The following SNX32 variants were observed in gnomAD, a reference collection of about 807,000 sequenced individuals.
SNX32 encodes sorting nexin 32.
In SNX32, 58 loss-of-function variants were observed where a neutral mutation model predicts 57.0. The ratio of observed to expected loss-of-function variants is 1.02; its 90% confidence interval spans 0.82 to 1.27. SNX32 has a LOEUF of 1.27. Ranked by LOEUF, SNX32 falls within the 50% of genes most tolerant of loss-of-function variation. The pLI is 0.00. For missense variants in SNX32, 589 were observed against 541.2 expected (o/e 1.09, Z -0.88); for synonymous variants, 262 against 220.4 (o/e 1.19, Z -1.67).
At chr11:65,848,280 T>G (rs1409226467) in intron 1 of SNX32, among the ~76,000 whole-genome samples, 3 of 152,138 alleles carry the variant, frequency 2.0e-5, no homozygotes, top group Non-Finnish European at 4.4e-5. Context: ...CTTGGCACTA[T>G]GGTGTGGACA....
intron 12 of SNX32, 85 bp from the exon 13 acceptor site, chr11:65,853,197 G>A (rs756113276): frequency 1.8e-5 from 29 of 1,574,092 alleles, no homozygotes; most frequent in African/African-American, 4.0e-5. Context: ...GGGGTGTGGG[G>A]AGCGAGGGAG....
intron 1 of SNX32, among the ~76,000 whole-genome samples, chr11:65,834,981 C>T (rs568524195): frequency 2.8e-5 from 4 of 142,990 alleles, no homozygotes; most frequent in African/African-American, 1.0e-4. Context: ...CTGTGTATGT[C>T]GTTGTGTGTG....
chr11:65,849,567 C>A lies in SNX32; in HGVS notation c.126C>A (p.Phe42Leu). The A allele has an allele frequency of 6.2e-7, 1 of 1,614,142 alleles. No homozygotes were observed. Among genetic ancestry groups the A allele is most frequent in the South Asian group, 1.1e-5 (1 of 91,080 alleles). Residue 42 changes from phenylalanine (F) to leucine (L), a missense_variant, in exon 2 of 13, where the codon TTC (phenylalanine) becomes TTA (leucine). Coordinates refer to ENST00000308342, the MANE Select transcript of SNX32 (RefSeq NM_152760.3). ...TGAGTGAGCGGGACAAGGTGAAATT[C>A]ACTGTTCAAACAAAGGTGAGGCAGT... ...DAVSERDKVK[F>L]TVQTKSCLPH...
At position 65,853,512 on chromosome 11, in the gene SNX32, G is replaced by C. The variant is rs536851516; in HGVS notation, c.*177G>C. 1.5e-6 allele frequency: 1 copy of C among 647,816 alleles called. No homozygotes were observed. Among genetic ancestry groups the C allele is most frequent in the Non-Finnish European group, 2.7e-6 (1 of 368,638 alleles). The allele number at this position is 647,816 out of a possible 1,614,324, so 40.1% of individuals were successfully genotyped here. ...CCTATCACCACCACCACAGGTGCCA[G>C]GCCCTGCAAGACACAGGGCAGCATG... On this transcript the variant is annotated 3_prime_UTR_variant, in exon 13 of 13. Transcript: ENST00000308342.
intron 1 of SNX32, among the ~76,000 whole-genome samples, chr11:65,846,030 G>A (rs1198040244): frequency 1.3e-5 from 2 of 152,194 alleles, no homozygotes; most frequent in East Asian, 1.9e-4. Context: ...CCAGTTCTAT[G>A]GGAGGCCAAG....
In SNX32 at chr11:65,853,281, G is replaced by A. The variant is rs1402675402; in HGVS notation, c.1159-1G>A. On this transcript the variant is annotated splice_acceptor_variant, in intron 12 of 12. Coordinates refer to ENST00000308342, the MANE Select transcript of SNX32 (RefSeq NM_152760.3). LOFTEE classifies it high-confidence loss of function. ...TTCAAGGACCTGTTTCTCCTCTGCA[G>A]GCCAGCACCCTGATTCTCCGGAACA... 2 of 1,613,970 alleles carry A rather than the reference G, an allele frequency of 1.2e-6. No individual in the cohort carries two copies. The highest frequency in any genetic ancestry group is 1.7e-5 in the Admixed American group (1 of 59,994).
At chr11:65,846,785 A>G (rs1859009929) in intron 1 of SNX32, among the ~76,000 whole-genome samples, 1 of 151,316 alleles carries the variant, frequency 6.6e-6, no homozygotes, top group African/African-American at 2.4e-5. Context: ...GGAGTTCAAG[A>G]CCAGCCTGAC....
chr11:65,836,509 A>ACT (rs1858672549), intron 1 of SNX32, among the ~76,000 whole-genome samples: 1 of 152,128 alleles, frequency 6.6e-6, no homozygotes, highest in Non-Finnish European at 1.5e-5. Context: ...GCACCATTGA[A>ACT]CTCTAGCCTG....
intron 1 of SNX32, among the ~76,000 whole-genome samples, chr11:65,843,661 A>G (rs1218761161): frequency 6.6e-6 from 1 of 152,242 alleles, no homozygotes; most frequent in Non-Finnish European, 1.5e-5. Flanking sequence ...GAATATCTTC[A>G]TGACCTTGGG....
At position 65,853,320 on chromosome 11, in the gene SNX32, A is replaced by C; in HGVS notation, c.1197A>C (p.Leu399=). Residue 399 remains leucine (L), a synonymous_variant, in exon 13 of 13, where the codon CTA becomes CTC. Coordinates refer to ENST00000308342, the MANE Select transcript of SNX32 (RefSeq NM_152760.3). ...TLILRNTLVA[L]KGEP ...TTCTCCGGAACACCCTTGTTGCCCT[A>C]AAGGGGGAGCCTTAGAGTAGCCAGA... 6.2e-7 allele frequency: 1 copy of C among 1,614,092 alleles called. No individual in the cohort carries two copies.
rs894768606 is a variant in SNX32, at chr11:65,853,178, C to T, written c.1159-104C>T. The T allele has an allele frequency of 5.3e-6, 8 of 1,508,050 alleles. No individual in the cohort carries two copies. In the Admixed American group the frequency reaches 1.4e-4, roughly 25 times the overall value. 93.4% of individuals were successfully genotyped at this position (1,508,050 alleles called of 1,614,324 possible). A position where few individuals can be genotyped will look rare whatever the true frequency, so the allele number is the denominator to read the frequency against. ...GCCCAATTAACAGCAGCTGTTATTG[C>T]AGAGAGCAGGGGTGTGGGGAGCGAG... On this transcript the variant is annotated intron_variant, in intron 12 of 12. Transcript: ENST00000308342.
At chr11:65,844,059 C>T (rs928604464) in intron 1 of SNX32, among the ~76,000 whole-genome samples, 1 of 152,162 alleles carries the variant, frequency 6.6e-6, no homozygotes, top group African/African-American at 2.4e-5. Context: ...AAAAGACTAA[C>T]AATTCTGAGC....
chr11:65,852,861 C>T lies in SNX32; in HGVS notation c.1073-12C>T. Reference sequence around the variant, plus strand: ...CTGCCCGGATCCCCATGCCTCTTCCCCTCCTCTCCAGAGCTCATGGACTTC... The same window carrying T: ...CTGCCCGGATCCCCATGCCTCTTCCTCTCCTCTCCAGAGCTCATGGACTTC... On this transcript the variant is annotated splice_polypyrimidine_tract_variant and intron_variant, in intron 11 of 12. Coordinates refer to ENST00000308342, the MANE Select transcript of SNX32 (RefSeq NM_152760.3). 2 of 1,614,090 alleles carry T rather than the reference C, an allele frequency of 1.2e-6. No individual in the cohort carries two copies. Among genetic ancestry groups the T allele is most frequent in the Middle Eastern group, 1.6e-4 (1 of 6,062 alleles).
intron 12 of SNX32, 111 bp from the exon 13 acceptor site, chr11:65,853,171 G>A: frequency 1.3e-6 from 2 of 1,487,056 alleles, no homozygotes; most frequent in Non-Finnish European, 1.9e-6. Context: ...AACAGCAGCT[G>A]TTATTGCAGA....
rs780855828 is a variant in SNX32 at position 65,849,750 on chromosome 11, CG to C, written c.141+169del. The C allele has an allele frequency of 2.6e-5, 20 of 769,778 alleles. No individual in the cohort carries two copies. The African/African-American group carries it at 3.3e-4, about 13-fold the overall frequency. 47.7% of individuals were successfully genotyped at this position (769,778 alleles called of 1,614,324 possible). ...AGCCTCTTAGCTCTGCCTAAGGCCCCGAGTCCTAATCATTCCTGTCCACCAT... is the reference window on the plus strand; with the variant it reads ...AGCCTCTTAGCTCTGCCTAAGGCCCCAGTCCTAATCATTCCTGTCCACCAT... On this transcript the variant is annotated intron_variant, in intron 2 of 12. Coordinates refer to ENST00000308342, the MANE Select transcript of SNX32 (RefSeq NM_152760.3).
rs1050384864 is a variant in SNX32, at chr11:65,850,519, CACA to C, written c.466_468del (p.Asn156del). ...GGCCCACCCCACCCTGCGTCGAGAC[CACA>C]ACTTCTTTGTGTTTTTGGAATATGG... On this transcript the variant is annotated inframe_deletion, in exon 5 of 13. Coordinates refer to ENST00000308342, the MANE Select transcript of SNX32 (RefSeq NM_152760.3). The C allele has an allele frequency of 3.1e-6, 5 of 1,613,158 alleles. No individual in the cohort carries two copies. Among genetic ancestry groups the C allele is most frequent in the African/African-American group, 1.3e-5 (1 of 74,912 alleles).
chr11:65,839,694 C>G (rs924170863), intron 1 of SNX32, among the ~76,000 whole-genome samples: 1 of 149,062 alleles, frequency 6.7e-6, no homozygotes, highest in East Asian at 2.0e-4. Context: ...GATCACACCA[C>G]TGCACTCTAG....
At chr11:65,840,460 A>G (rs1858811476) in intron 1 of SNX32, among the ~76,000 whole-genome samples, 1 of 152,188 alleles carries the variant, frequency 6.6e-6, no homozygotes, top group Non-Finnish European at 1.5e-5. Flanking sequence ...TTGGAAAGGA[A>G]GAACTAAAAC....
At chr11:65,853,154 C>CCCAA in intron 12 of SNX32, 128 bp from the exon 13 acceptor site, 2 of 1,420,964 alleles carry the variant, frequency 1.4e-6, no homozygotes, top group South Asian at 2.4e-5. Flanking sequence ...GGTAGGAAGG[C>CCCAA]CCAATTAACA....
Sources: gnomAD v4.1 joint callset for allele counts (sites outside exome capture counted in the v4.1 genomes callset) on GRCh38, gnomAD v4.1.1 for gene constraint, MANE v1.5 for transcripts, NCBI Gene and HGNC (gene_info 2026-07-23, HGNC 2026-07-21) for gene names.